PCSK5: variants seen among roughly 807,000 people sequenced by gnomAD.
PCSK5 encodes prohormone convertase 5.
PCSK5 carries 129 observed loss-of-function variants against 233.2 expected under a neutral mutation model. The ratio of observed to expected loss-of-function variants is 0.55; its 90% CI spans 0.48 to 0.64. The LOEUF (loss-of-function observed/expected upper bound fraction) is 0.64, where lower values mean the gene tolerates loss of function less well. Ranked by LOEUF, PCSK5 falls within the 30% of genes least tolerant of loss-of-function variation. The probability of loss-of-function intolerance (pLI) is 0.00; values close to 1 mark genes in which losing one functional copy is unlikely to be tolerated. For synonymous variants in PCSK5, 825 were observed against 879.2 expected, an observed-to-expected ratio of 0.94 and a Z score of 1.09; for missense variants, 2,076 against 2,430.1, an observed-to-expected ratio of 0.85 and a Z score of 3.06.
chr9:76,187,381 T>A (rs1333291003), intron 17 of PCSK5, among the ~76,000 whole-genome samples: 4 of 152,178 alleles, frequency 2.6e-5, no homozygotes, highest in African/African-American at 9.7e-5. Context: ...TAATTTTTTT[T>A]TTTAAGAGAC....
At chr9:75,956,612 A>G (rs971738633) in intron 2 of PCSK5, among the ~76,000 whole-genome samples, 13 of 152,342 alleles carry the variant, frequency 8.5e-5, no homozygotes, top group Non-Finnish European at 1.9e-4. Context: ...ACCCTCTTTG[A>G]AATCTAAGAG....
chr9:76,046,420 C>T (rs1829397151), intron 5 of PCSK5, among the ~76,000 whole-genome samples: 1 of 151,330 alleles, frequency 6.6e-6, no homozygotes, highest in African/African-American at 2.4e-5. Flanking sequence ...TCATGATCCG[C>T]CCGCCTCGGC....
rs756521997 is a variant in PCSK5, at chr9:76,338,281, C to A, written c.4800C>A (p.Cys1600Ter). The stretch of plus-strand genomic sequence containing the variant: ...GGTGTGAGAGGTGCAACAGGAGCTG[C>A]AAGGGGTGCCAGGGCCCACGGCCCA... The part of the protein sequence containing the change: ...TGRCERCNRS[C>*]KGCQGPRPTD... Residue 1600 changes from cysteine to a stop codon, truncating the protein, a stop_gained, in exon 35 of 38, where the codon TGC becomes TGA. Transcript: ENST00000674117. LOFTEE classifies it high-confidence loss of function. 32 of 1,612,554 alleles carry A rather than the reference C, an allele frequency of 2.0e-5. No homozygotes were observed. The East Asian group carries it at 6.7e-4, about 34-fold the overall frequency.
At chr9:76,002,404 T>C (rs986340770) in intron 3 of PCSK5, among the ~76,000 whole-genome samples, 2 of 152,274 alleles carry the variant, frequency 1.3e-5, no homozygotes, top group South Asian at 2.1e-4. Flanking sequence ...TGCATGCAAA[T>C]GAACAAGTTT....
chr9:75,938,424 A>G (rs1291301338), intron 2 of PCSK5, among the ~76,000 whole-genome samples: 1 of 152,228 alleles, frequency 6.6e-6, no homozygotes, highest in African/African-American at 2.4e-5. Context: ...CAATAGCAAC[A>G]TCAAAGATCA....
chr9:76,069,266 A>T (rs1254898427), intron 6 of PCSK5, among the ~76,000 whole-genome samples: 1 of 152,164 alleles, frequency 6.6e-6, no homozygotes, highest in African/African-American at 2.4e-5. Context: ...CAAGAGAATT[A>T]TATCAGAGGC....
At chr9:76,097,222 C>T (rs1308017129) in intron 8 of PCSK5, among the ~76,000 whole-genome samples, 5 of 149,558 alleles carry the variant, frequency 3.3e-5, no homozygotes, top group Admixed American at 6.7e-5. Flanking sequence ...TGTAAGGCAC[C>T]GCGCCCAGCC....
chr9:76,171,203 C>T (rs1185845186), intron 13 of PCSK5, among the ~76,000 whole-genome samples: 2 of 152,130 alleles, frequency 1.3e-5, no homozygotes, highest in Non-Finnish European at 2.9e-5. Flanking sequence ...TACATTAGTT[C>T]CCAGGATCTT....
At chr9:76,310,504 C>T (rs2131437932) in intron 29 of PCSK5, among the ~76,000 whole-genome samples, 152 bp from the exon 30 acceptor site, 1 of 152,292 alleles carries the variant, frequency 6.6e-6, no homozygotes, top group East Asian at 1.9e-4. Context: ...TGTAACTCAT[C>T]CTGGAGGACT....
At chr9:76,187,954 TAG>T (rs1491112065) in intron 17 of PCSK5, among the ~76,000 whole-genome samples, 2 of 152,310 alleles carry the variant, frequency 1.3e-5, no homozygotes, top group African/African-American at 2.4e-5. Context: ...AATTTTTCAT[TAG>T]AGTGTTTAAA....
intron 3 of PCSK5, among the ~76,000 whole-genome samples, chr9:76,006,945 G>T (rs1296038285): frequency 6.6e-6 from 1 of 152,082 alleles, no homozygotes; most frequent in African/African-American, 2.4e-5. Context: ...TTAGACACAG[G>T]TACAAGCATA....
At chr9:76,208,338 G>A (rs185716781) in intron 20 of PCSK5, among the ~76,000 whole-genome samples, 17 of 152,274 alleles carry the variant, frequency 1.1e-4, no homozygotes, top group African/African-American at 4.1e-4. Context: ...GTCATGTTAT[G>A]TTCTCCAGGA....
intron 20 of PCSK5, among the ~76,000 whole-genome samples, chr9:76,200,936 T>C (rs897512386): frequency 1.3e-5 from 2 of 152,210 alleles, no homozygotes; most frequent in African/African-American, 2.4e-5. Flanking sequence ...TCAAGTCAAC[T>C]CTTGGCCTCC....
intron 35 of PCSK5, among the ~76,000 whole-genome samples, chr9:76,349,671 G>A (rs1197543167): frequency 6.6e-6 from 1 of 152,162 alleles, no homozygotes; most frequent in Non-Finnish European, 1.5e-5. Context: ...TTGTTCTGAT[G>A]GGAAGACCTA....
rs79248310 is a variant in PCSK5, at chr9:76,022,410, T to C, written c.412-1328T>C. ...CCATTGTATTTAGGGCATATTAAGCTTCTATTCTCTTCCATTCCCGATATG... is the reference window on the plus strand; with the variant it reads ...CCATTGTATTTAGGGCATATTAAGCCTCTATTCTCTTCCATTCCCGATATG... On this transcript the variant is annotated intron_variant, in intron 3 of 37. Coordinates refer to ENST00000674117, the MANE Select transcript of PCSK5 (RefSeq NM_001372043.1). 1.4e-3 allele frequency among the ~76,000 whole-genome samples: 215 copies of C among 152,306 alleles called. 3 individuals are homozygous for C. The East Asian group carries it at 0.023, about 17-fold the overall frequency.
chr9:76,292,153 C>A (rs78829966), intron 24 of PCSK5, 80 bp from the exon 25 acceptor site: 21,450 of 811,752 alleles, frequency 0.026, 378 homozygotes, highest in Non-Finnish European at 0.038. Context: ...TTGTTTATCT[C>A]AAGCTACAGC....
At chr9:76,097,944 A>T (rs1211283047) in intron 8 of PCSK5, among the ~76,000 whole-genome samples, 2 of 152,160 alleles carry the variant, frequency 1.3e-5, no homozygotes, top group Non-Finnish European at 2.9e-5. Flanking sequence ...ACTTTTTAGC[A>T]TTTAGCCAAG....
At chr9:75,955,925 T>C (rs1825075446) in intron 2 of PCSK5, among the ~76,000 whole-genome samples, 1 of 152,116 alleles carries the variant, frequency 6.6e-6, no homozygotes, top group African/African-American at 2.4e-5. Flanking sequence ...TTGACTACCC[T>C]AAGAGGTTGG....
In PCSK5 at chr9:76,289,496, C is replaced by CGCT. The variant is rs1431132283; in HGVS notation, c.3143-2737_3143-2736insGCT. Among the ~76,000 whole-genome samples, 126 of 135,026 alleles carry CGCT rather than the reference C, an allele frequency of 9.3e-4. 2 individuals are homozygous for CGCT. Among genetic ancestry groups the CGCT allele is most frequent in the Admixed American group, 2.7e-3 (37 of 13,506 alleles). 88.6% of individuals were successfully genotyped at this position (135,026 alleles called of 152,430 possible). A position where few individuals can be genotyped will look rare whatever the true frequency, so the allele number is the denominator to read the frequency against. On this transcript the variant is annotated intron_variant, in intron 24 of 37. Coordinates refer to ENST00000674117, the MANE Select transcript of PCSK5 (RefSeq NM_001372043.1). ...ACACACACACACACACACACACACA[C>CGCT]ACACACACACACACGCAACATACAC...
Sources: allele counts gnomAD v4.1 joint callset (sites outside exome capture counted in the v4.1 genomes callset), GRCh38; gene constraint gnomAD v4.1.1; transcripts MANE v1.5; gene names NCBI Gene and HGNC (gene_info 2026-07-23, HGNC 2026-07-21).